PHF20L1: variants seen among roughly 807,000 people sequenced by gnomAD.
PHF20L1 encodes the protein PHD finger protein 20 like 1.
In PHF20L1, 44 loss-of-function variants were observed where a neutral mutation model predicts 125.5. That is an observed-to-expected ratio of 0.35 (90% CI 0.28 to 0.45). The LOEUF (loss-of-function observed/expected upper bound fraction) is 0.45, where lower values mean the gene tolerates loss of function less well. Among genes scored for constraint, PHF20L1 ranks in the 20% least tolerant of loss-of-function variants. The pLI is 1.00. For missense variants in PHF20L1, 1,012 were observed against 1,217.2 expected (o/e 0.83, Z 2.51); for synonymous variants, 380 against 403.1 (o/e 0.94, Z 0.69).
At chr8:132,823,771 A>G (rs1214937039) in intron 12 of PHF20L1, among the ~76,000 whole-genome samples, 2 of 151,928 alleles carry the variant, frequency 1.3e-5, no homozygotes, top group African/African-American at 4.8e-5. Flanking sequence ...GTGGAACCAG[A>G]TGTTGAACCT....
At chr8:132,817,259 G>C (rs1586977880) in intron 11 of PHF20L1, 80 bp from the exon 12 acceptor site, 1 of 1,227,284 alleles carries the variant, frequency 8.1e-7, no homozygotes, top group South Asian at 1.4e-5. Context: ...TTTAAATTAT[G>C]TAACACTTTA....
At chr8:132,801,320 T>A (rs1833018771) in intron 6 of PHF20L1, among the ~76,000 whole-genome samples, 1 of 151,758 alleles carries the variant, frequency 6.6e-6, no homozygotes, top group Non-Finnish European at 1.5e-5. Flanking sequence ...ATTCTCATAG[T>A]AGATCCTTTG....
At chr8:132,845,757 T>C in intron 20 of PHF20L1, 24 bp from the exon 21 acceptor site, 3 of 1,553,828 alleles carry the variant, frequency 1.9e-6, no homozygotes, top group Non-Finnish European at 2.7e-6. Flanking sequence ...AGTTTAAATT[T>C]GTTTATCTTC....
At chr8:132,837,186 A>C (rs1837454401) in intron 16 of PHF20L1, among the ~76,000 whole-genome samples, 1 of 152,140 alleles carries the variant, frequency 6.6e-6, no homozygotes, top group South Asian at 2.1e-4. Flanking sequence ...TTAAGATAAA[A>C]GGAAAGCATA....
At chr8:132,818,178 T>A (rs973418218) in intron 12 of PHF20L1, 2 of 151,982 alleles carry the variant, frequency 1.3e-5, no homozygotes, top group Non-Finnish European at 2.9e-5. Context: ...GTTTCCCTTA[T>A]GTGGGTGCAT....
intron 2 of PHF20L1, chr8:132,788,928 C>A (rs1831360700): frequency 1.3e-5 from 2 of 151,760 alleles, no homozygotes; most frequent in South Asian, 4.2e-4. Flanking sequence ...AAAAGAATAC[C>A]CATATACATC....
chr8:132,786,677 T>G (rs1831071200), intron 2 of PHF20L1, among the ~76,000 whole-genome samples: 1 of 152,088 alleles, frequency 6.6e-6, no homozygotes, highest in African/African-American at 2.4e-5. Flanking sequence ...CATTACCTCT[T>G]TTAACATGAG....
Position 132,842,882 on chromosome 8 carries a change from C to G in PHF20L1, c.2748+7C>G. ...ACATGGAATGCCTGAAAAGGTAAAACTAGTTCATTTTTCTTTGCTTGGAAA... is the reference window on the plus strand; with the variant it reads ...ACATGGAATGCCTGAAAAGGTAAAAGTAGTTCATTTTTCTTTGCTTGGAAA... On this transcript the variant is annotated splice_region_variant and intron_variant, in intron 19 of 20. Transcript: ENST00000395386. The G allele has an allele frequency of 1.3e-6, 2 of 1,583,004 alleles. No homozygotes were observed. Among genetic ancestry groups the G allele is most frequent in the South Asian group, 1.2e-5 (1 of 85,696 alleles).
chr8:132,812,238 T>A, intron 9 of PHF20L1: 1 of 982,244 alleles, frequency 1.0e-6, no homozygotes, highest in Non-Finnish European at 1.2e-6. Context: ...CAATATTTTG[T>A]ATTTTCACCA....
intron 16 of PHF20L1, among the ~76,000 whole-genome samples, chr8:132,837,186 AG>A (rs200264996): frequency 0.014 from 2,153 of 152,252 alleles, 64 homozygotes; most frequent in African/African-American, 0.05. Context: ...TTAAGATAAA[AG>A]GAAAGCATAA....
intron 18 of PHF20L1, among the ~76,000 whole-genome samples, chr8:132,840,600 C>T (rs1193183431): frequency 6.6e-6 from 1 of 152,096 alleles, no homozygotes; most frequent in Non-Finnish European, 1.5e-5. Context: ...GCCACATAAT[C>T]CCTGTGCTTT....
In PHF20L1 at chr8:132,775,511, G is replaced by T. The variant is rs2131246669; in HGVS notation, c.-172G>T. 1 of 375,346 alleles carries T rather than the reference G, an allele frequency of 2.7e-6. No individual in the cohort carries two copies. The highest frequency in any genetic ancestry group is 2.1e-5 in the African/African-American group (1 of 47,674). 23.3% of individuals were successfully genotyped at this position (375,346 alleles called of 1,614,324 possible). On this transcript the variant is annotated 5_prime_UTR_variant, in exon 1 of 21. Coordinates refer to ENST00000395386, the MANE Select transcript of PHF20L1 (RefSeq NM_016018.5). ...GGGCGGATCCGGCGCTGCGGCCCCA[G>T]CTCGCTCCGCTCCTGCTCCCTCCCC...
At chr8:132,820,283 T>C (rs1835436704) in intron 12 of PHF20L1, among the ~76,000 whole-genome samples, 1 of 151,816 alleles carries the variant, frequency 6.6e-6, no homozygotes, top group Admixed American at 6.6e-5. Flanking sequence ...TCTGGGAGGA[T>C]AGAGTAAATC....
chr8:132,788,396 T>C (rs1312621408), intron 2 of PHF20L1, among the ~76,000 whole-genome samples: 2 of 152,170 alleles, frequency 1.3e-5, no homozygotes, highest in African/African-American at 4.8e-5. Flanking sequence ...GTTGCCATTT[T>C]GATTGATATG....
intron 2 of PHF20L1, among the ~76,000 whole-genome samples, chr8:132,782,801 C>G (rs1348734005): frequency 6.6e-6 from 1 of 150,404 alleles, no homozygotes; most frequent in Non-Finnish European, 1.5e-5. Context: ...AGAAAGCGAT[C>G]TCTCTGTGTT....
At chr8:132,789,606 A>G (rs1831442946) in intron 2 of PHF20L1, among the ~76,000 whole-genome samples, 2 of 152,144 alleles carry the variant, frequency 1.3e-5, no homozygotes, top group Admixed American at 1.3e-4. Context: ...TCCATTTTAG[A>G]GTGAATTATT....
Position 132,817,054 on chromosome 8 carries a change from G to T in PHF20L1, c.1350G>T (p.Gln450His). ...GKVFSISSQN[Q>H]QESSVPEVPD... ...TATTCTCCATCAGTTCTCAAAATCA[G>T]CAAGAATCTTCAGTACCAGAGGGTA... The change falls in exon 11 of 21, where the codon CAG becomes CAT. Residue 450 changes from glutamine (Q) to histidine (H), a missense_variant. Physicochemically the swap from Gln to His is conservative, Grantham distance 24 (BLOSUM62 0). Transcript: ENST00000395386. 6.3e-7 allele frequency: 1 copy of T among 1,586,410 alleles called. No individual in the cohort carries two copies. Among genetic ancestry groups the T allele is most frequent in the South Asian group, 1.2e-5 (1 of 86,744 alleles).
chr8:132,816,586 G>A (rs1835011150), intron 10 of PHF20L1: 1 of 235,152 alleles, frequency 4.3e-6, no homozygotes, highest in Admixed American at 5.1e-5. Context: ...TTTACACAAC[G>A]ATCTGCAATT....
chr8:132,837,798 C>T lies in PHF20L1; in HGVS notation c.2178C>T (p.Cys726=). The part of the protein sequence containing the change: ...SIPEQYICYI[C]RDPPGQRWSA... ...CAGAGCAGTACATCTGCTATATCTG[C>T]CGGGACCCACCAGGTAAGGCTTTCT... The change falls in exon 17 of 21, where the codon TGC becomes TGT. Residue 726 remains cysteine, a synonymous_variant. Coordinates refer to ENST00000395386, the MANE Select transcript of PHF20L1 (RefSeq NM_016018.5). 1 of 1,611,176 alleles carries T rather than the reference C, an allele frequency of 6.2e-7. No homozygotes were observed. The highest frequency in any genetic ancestry group is 1.1e-5 in the South Asian group (1 of 91,024).
Sources: gnomAD v4.1 joint callset for allele counts (sites outside exome capture counted in the v4.1 genomes callset) on GRCh38, gnomAD v4.1.1 for gene constraint, MANE v1.5 for transcripts, NCBI Gene and HGNC (gene_info 2026-07-23, HGNC 2026-07-21) for gene names.